PHF8: variants seen among roughly 807,000 people sequenced by gnomAD.
PHF8 encodes histone lysine demethylase PHF8.
A neutral mutation model predicts 74.4 loss-of-function variants in PHF8; 9 were observed. That is an observed-to-expected ratio of 0.12 (90% CI 0.07 to 0.21). The LOEUF (loss-of-function observed/expected upper bound fraction) is 0.21. PHF8 is among the 10% of genes least tolerant of loss of function. The pLI is 1.00. For missense variants in PHF8, 478 were observed against 816.6 expected, an observed-to-expected ratio of 0.59 and a Z score of 5.05; for synonymous variants, 311 against 316.6, an observed-to-expected ratio of 0.98 and a Z score of 0.19.
chrX:54,001,577 G>A (rs782357801), intron 10 of PHF8, among the ~76,000 whole-genome samples: 32 of 111,214 alleles, frequency 2.9e-4, no homozygotes, highest in African/African-American at 3.9e-4. Context: ...CAGAAGTTAC[G>A]GATGGTACAA....
intron 1 of PHF8, chrX:54,043,044 T>G: frequency 6.6e-6 from 2 of 302,176 alleles, no homozygotes; most frequent in Non-Finnish European, 1.0e-5. Flanking sequence ...CACTCTCCAC[T>G]CCCCACCCCC....
chrX:54,007,825 T>G (rs2080897219), intron 8 of PHF8, among the ~76,000 whole-genome samples: 1 of 112,177 alleles, frequency 8.9e-6, no homozygotes, highest in African/African-American at 3.2e-5. Flanking sequence ...TACATGTAGC[T>G]GCTTTGAAAA....
intron 19 of PHF8, among the ~76,000 whole-genome samples, chrX:53,957,373 T>C (rs948172862): frequency 9.3e-6 from 1 of 107,232 alleles, no homozygotes; most frequent in Non-Finnish European, 1.9e-5. Flanking sequence ...CAAAAAAAAT[T>C]AGCTGAGTGT....
chrX:54,020,116 G>A (rs1296888439), intron 4 of PHF8, among the ~76,000 whole-genome samples: 3 of 111,863 alleles, frequency 2.7e-5, no homozygotes, highest in African/African-American at 9.8e-5. Flanking sequence ...AACCCAGGAG[G>A]CGGAGGTTGC....
At chrX:53,949,697 A>G (rs1440153962) in intron 19 of PHF8, among the ~76,000 whole-genome samples, 1 of 106,630 alleles carries the variant, frequency 9.4e-6, no homozygotes, top group Non-Finnish European at 1.9e-5. Context: ...CTGTAGTCCC[A>G]GCTACTCAGG....
chrX:53,952,600 T>TA (rs782271886), intron 19 of PHF8, among the ~76,000 whole-genome samples: 1 of 111,048 alleles, frequency 9.0e-6, no homozygotes, highest in Admixed American at 9.6e-5. Flanking sequence ...TAAGTGATAA[T>TA]AGGCTGGGCG....
intron 18 of PHF8, among the ~76,000 whole-genome samples, chrX:53,972,062 C>T (rs868970284): frequency 9.0e-6 from 1 of 111,122 alleles, no homozygotes; most frequent in African/African-American, 3.3e-5. Flanking sequence ...CGGTGGCTCA[C>T]GCCTGTAATC....
At chrX:54,029,683 C>G (rs1557112140) in intron 2 of PHF8, among the ~76,000 whole-genome samples, 1 of 111,751 alleles carries the variant, frequency 8.9e-6, no homozygotes, top group Admixed American at 9.5e-5. Flanking sequence ...GGTACATGAA[C>G]CCAACCGACT....
Position 53,940,154 on chromosome X carries a change from G to A in PHF8, c.2986+26C>T, listed in dbSNP as rs782403412. On this transcript the variant is annotated intron_variant, in intron 21 of 21. Coordinates refer to ENST00000338154, the MANE Select transcript of PHF8 (RefSeq NM_015107.3). The stretch of plus-strand genomic sequence containing the variant: ...GGGCAGGTGGCTCTAAGATCCTTCG[G>A]TTCTACAACCATATGGCCGTTGTAC... The A allele has an allele frequency of 2.7e-6, 3 of 1,121,147 alleles. No homozygotes were observed. In the South Asian group the frequency reaches 5.8e-5, roughly 22 times the overall value. 92.4% of individuals were successfully genotyped at this position (1,121,147 alleles called of 1,213,427 possible).
intron 2 of PHF8, among the ~76,000 whole-genome samples, chrX:54,036,589 A>C (rs1209249909): frequency 2.8e-5 from 3 of 105,367 alleles, no homozygotes; most frequent in Non-Finnish European, 5.8e-5. Flanking sequence ...AAAAAAAAAA[A>C]AAAAAAAAAA....
chrX:53,970,468 T>C (rs1484469037), intron 18 of PHF8, among the ~76,000 whole-genome samples: 6 of 111,556 alleles, frequency 5.4e-5, no homozygotes, highest in African/African-American at 2.0e-4. Context: ...GCTACCATCA[T>C]GATGACAGGA....
intron 19 of PHF8, 115 bp from the exon 20 acceptor site, chrX:53,944,358 T>C: frequency 3.7e-6 from 2 of 533,436 alleles, no homozygotes; most frequent in Non-Finnish European, 6.3e-6. Flanking sequence ...GCTTCTAGCT[T>C]TTTATGAAGC....
intron 2 of PHF8, 148 bp downstream of exon 2, chrX:54,042,483 G>T: frequency 1.9e-6 from 1 of 518,283 alleles, no homozygotes; most frequent in Non-Finnish European, 3.4e-6. Flanking sequence ...TGTCAGCTAG[G>T]TCCTGTTCTG....
intron 10 of PHF8, 22 bp from the exon 11 acceptor site, chrX:53,999,983 C>G: frequency 9.8e-7 from 1 of 1,022,543 alleles, no homozygotes; most frequent in Non-Finnish European, 1.4e-6. Flanking sequence ...AAGAGGAAAG[C>G]AGAGTGTCAA....
At chrX:53,960,601 T>C (rs2065088649) in intron 19 of PHF8, among the ~76,000 whole-genome samples, 1 of 106,560 alleles carries the variant, frequency 9.4e-6, no homozygotes, top group Non-Finnish European at 1.9e-5. Context: ...TACAAAAAAT[T>C]AGTCAGGCAT....
At chrX:53,977,292 G>A (rs2149815719) in intron 18 of PHF8, among the ~76,000 whole-genome samples, 1 of 112,219 alleles carries the variant, frequency 8.9e-6, no homozygotes, top group African/African-American at 3.2e-5. Context: ...CCGAGATCGT[G>A]CCACTGCACT....
chrX:53,939,286 G>C (rs782285457), intron 21 of PHF8, 40 bp from the exon 22 acceptor site: 2 of 1,092,059 alleles, frequency 1.8e-6, no homozygotes, highest in African/African-American at 3.6e-5. Context: ...CTTTGGCAAG[G>C]GCTTCAACAT....
chrX:53,993,966 G>T, intron 12 of PHF8, 63 bp from the exon 13 acceptor site: 2 of 840,515 alleles, frequency 2.4e-6, no homozygotes, highest in Non-Finnish European at 3.5e-6. Context: ...AACACTAACA[G>T]CAGAGGTCTG....
At chrX:53,952,432 C>G (rs2064940531) in intron 19 of PHF8, among the ~76,000 whole-genome samples, 1 of 111,582 alleles carries the variant, frequency 9.0e-6, no homozygotes, top group African/African-American at 3.3e-5. Context: ...ATTTTTGTAA[C>G]TTTTTCTAAC....
Sources: gnomAD v4.1 joint callset for allele counts (sites outside exome capture counted in the v4.1 genomes callset) on GRCh38, gnomAD v4.1.1 for gene constraint, MANE v1.5 for transcripts, NCBI Gene and HGNC (gene_info 2026-07-23, HGNC 2026-07-21) for gene names.